Variants in PELI2 observed in about 807,000 individuals in gnomAD.
The protein encoded by PELI2 is pellino E3 ubiquitin protein ligase family member 2.
PELI2 carries 23 observed loss-of-function variants against 42.3 expected under a neutral mutation model. That is an observed-to-expected ratio of 0.54 (90% CI 0.39 to 0.77). PELI2 has a LOEUF of 0.77. PELI2 is among the 30% of genes least tolerant of loss of function. The probability of loss-of-function intolerance (pLI) is 0.00; values close to 1 mark genes in which losing one functional copy is unlikely to be tolerated. For synonymous variants in PELI2, 245 were observed against 212.2 expected, an observed-to-expected ratio of 1.15 and a Z score of -1.34; for missense variants, 463 against 553.2, an observed-to-expected ratio of 0.84 and a Z score of 1.64.
intron 2 of PELI2, among the ~76,000 whole-genome samples, chr14:56,243,337 A>G (rs1396839927): frequency 1.3e-5 from 2 of 152,230 alleles, no homozygotes; most frequent in East Asian, 3.9e-4. Flanking sequence ...GGGGGTTGGG[A>G]TGACGTTATT....
At chr14:56,125,527 A>C (rs1883223951) in intron 1 of PELI2, among the ~76,000 whole-genome samples, 1 of 152,056 alleles carries the variant, frequency 6.6e-6, no homozygotes, top group African/African-American at 2.4e-5. Context: ...GTGTCCTTTG[A>C]GAGTCCCCAC....
intron 2 of PELI2, among the ~76,000 whole-genome samples, chr14:56,241,554 T>C (rs1253779843): frequency 1.3e-5 from 2 of 151,454 alleles, no homozygotes; most frequent in African/African-American, 4.9e-5. Context: ...GGCACAGGAG[T>C]TGGGGGGAAG....
chr14:56,288,273 A>G lies in PELI2; in HGVS notation c.310-164A>G, dbSNP rs1051182265. Among the ~76,000 whole-genome samples the G allele has an allele frequency of 1.3e-5, 2 of 152,232 alleles. No individual in the cohort carries two copies. The highest frequency in any genetic ancestry group is 1.3e-4 in the Admixed American group (2 of 15,278). On this transcript the variant is annotated intron_variant, in intron 3 of 5. Coordinates refer to ENST00000267460, the MANE Select transcript of PELI2 (RefSeq NM_021255.3). The surrounding 1 kb of genome is among the most constrained non-coding windows in gnomAD (Gnocchi z 4.6). ...ATTTGGTTACCCTAATATCTTCCCT[A>G]GTTAAATAGGAAAAGGAGCACGAAT...
intron 2 of PELI2, among the ~76,000 whole-genome samples, chr14:56,243,644 T>G (rs1167388017): frequency 6.6e-6 from 1 of 152,242 alleles, no homozygotes; most frequent in Non-Finnish European, 1.5e-5. Flanking sequence ...TTTGCATTTT[T>G]GGGTCATTAT....
intron 1 of PELI2, among the ~76,000 whole-genome samples, chr14:56,160,087 G>A (rs889715049): frequency 7.3e-5 from 11 of 151,722 alleles, no homozygotes; most frequent in Non-Finnish European, 1.5e-4. Context: ...GGAAGAAGTA[G>A]GGAAATTTGG....
chr14:56,190,149 A>G (rs1005980504), intron 2 of PELI2, among the ~76,000 whole-genome samples: 4 of 152,242 alleles, frequency 2.6e-5, no homozygotes, highest in African/African-American at 9.6e-5. Flanking sequence ...ATTCTGTAGT[A>G]CTTGATTGAA....
At chr14:56,280,692 T>G (rs1189799922) in intron 3 of PELI2, among the ~76,000 whole-genome samples, 1 of 152,058 alleles carries the variant, frequency 6.6e-6, no homozygotes, top group African/African-American at 2.4e-5. Flanking sequence ...GAAAAAAACT[T>G]AGGAGAATTC....
At chr14:56,120,902 A>G (rs551319173) in intron 1 of PELI2, among the ~76,000 whole-genome samples, 4 of 152,062 alleles carry the variant, frequency 2.6e-5, no homozygotes, top group Admixed American at 6.5e-5. Flanking sequence ...GAATTGTGGT[A>G]TTTTTCTTTT....
At position 56,182,897 on chromosome 14, in the gene PELI2, C is replaced by T. The variant is rs575544648; in HGVS notation, c.207+4433C>T. On this transcript the variant is annotated intron_variant, in intron 2 of 5. Coordinates refer to ENST00000267460, the MANE Select transcript of PELI2 (RefSeq NM_021255.3). ...TTGGAAGCGCTCACTGTCTGTCTGC[C>T]GAGCCTGTGTCTCATGGCAGTGAGT... Among the ~76,000 whole-genome samples, 807 of 152,192 alleles carry T rather than the reference C, an allele frequency of 5.3e-3. 7 individuals carry two copies. Among genetic ancestry groups the T allele is most frequent in the African/African-American group, 0.018 (741 of 41,530 alleles).
intron 1 of PELI2, among the ~76,000 whole-genome samples, chr14:56,138,938 T>C (rs546579761): frequency 1.6e-4 from 24 of 152,310 alleles, no homozygotes; most frequent in African/African-American, 4.8e-4. Context: ...TCTTTCCTGC[T>C]GACAAAGTTG....
chr14:56,251,189 C>T (rs1005359706), intron 2 of PELI2, among the ~76,000 whole-genome samples: 5 of 152,200 alleles, frequency 3.3e-5, no homozygotes, highest in East Asian at 1.9e-4. Flanking sequence ...CTGCTCACAG[C>T]GGGCAGCAGG....
At chr14:56,122,795 CT>C (rs1883112545) in intron 1 of PELI2, among the ~76,000 whole-genome samples, 1 of 152,154 alleles carries the variant, frequency 6.6e-6, no homozygotes. Context: ...AACAAAAAGA[CT>C]TGCTGCTAGA....
At chr14:56,188,309 A>G (rs1168748061) in intron 2 of PELI2, among the ~76,000 whole-genome samples, 3 of 152,232 alleles carry the variant, frequency 2.0e-5, no homozygotes, top group African/African-American at 7.2e-5. Flanking sequence ...CTAATGGGTC[A>G]ATAACTAATG....
chr14:56,285,807 T>C (rs976359205), intron 3 of PELI2, among the ~76,000 whole-genome samples: 2 of 152,018 alleles, frequency 1.3e-5, no homozygotes, highest in African/African-American at 4.8e-5. Flanking sequence ...GTTAAGTGAA[T>C]CAGAGAAACA....
chr14:56,178,147 G>T (rs1885450320), intron 1 of PELI2, among the ~76,000 whole-genome samples, 188 bp from the exon 2 acceptor site: 1 of 152,152 alleles, frequency 6.6e-6, no homozygotes, highest in African/African-American at 2.4e-5. Flanking sequence ...CTTAAATTAA[G>T]TTCCTAGAAG....
intron 1 of PELI2, among the ~76,000 whole-genome samples, chr14:56,142,164 AC>A (rs1243151528): frequency 6.6e-6 from 1 of 152,190 alleles, no homozygotes; most frequent in Non-Finnish European, 1.5e-5. Flanking sequence ...TAAAGTTAAA[AC>A]AAACTCAAGG....
chr14:56,194,307 T>G (rs1262807449), intron 2 of PELI2, among the ~76,000 whole-genome samples: 1 of 152,112 alleles, frequency 6.6e-6, no homozygotes, highest in African/African-American at 2.4e-5. Flanking sequence ...GCCCTCTGAA[T>G]CTCCTCTGTC....
intron 2 of PELI2, among the ~76,000 whole-genome samples, chr14:56,230,937 CA>C (rs1449878435): frequency 6.6e-6 from 1 of 151,586 alleles, no homozygotes; most frequent in African/African-American, 2.4e-5. Flanking sequence ...CAAAACAAAA[CA>C]AAAGGCAGGG....
At chr14:56,175,378 T>C (rs1475261356) in intron 1 of PELI2, among the ~76,000 whole-genome samples, 2 of 152,216 alleles carry the variant, frequency 1.3e-5, no homozygotes, top group African/African-American at 4.8e-5. Context: ...TATAAGTGCA[T>C]CTTGTTACAT....
Sources: allele counts gnomAD v4.1 joint callset (sites outside exome capture counted in the v4.1 genomes callset), GRCh38; gene constraint gnomAD v4.1.1; non-coding constraint Gnocchi (gnomAD v3.1); transcripts MANE v1.5; gene names NCBI Gene and HGNC (gene_info 2026-07-23, HGNC 2026-07-21).